The following NUGGC variants were observed in gnomAD, a reference collection of about 807,000 sequenced individuals.
NUGGC encodes nuclear GTPase SLIP-GC.
Under a neutral mutation model 92.6 loss-of-function variants are expected in NUGGC, and 58 were observed. The ratio of observed to expected loss-of-function variants is 0.63; its 90% confidence interval spans 0.51 to 0.78. The LOEUF is 0.78. NUGGC is among the 30% of genes least tolerant of loss of function. The probability of loss-of-function intolerance (pLI) is 0.00; values close to 1 mark genes in which losing one functional copy is unlikely to be tolerated. For missense variants in NUGGC, 925 were observed against 964.6 expected, an observed-to-expected ratio of 0.96 and a Z score of 0.54; for synonymous variants, 376 against 366.4, an observed-to-expected ratio of 1.03 and a Z score of -0.30.
At position 28,045,635 on chromosome 8, in the gene NUGGC, G is replaced by A. The variant is rs1249424218; in HGVS notation, c.1338C>T (p.Ile446=). The change falls in exon 12 of 19, where the codon ATC becomes ATT. Residue 446 remains isoleucine (I), a synonymous_variant. Transcript: ENST00000413272. ...TCTTCTTGTCCAAGAGGCTCTTCCT[G>A]ATGTATTCTCTTAACTTAGGGATTT... ...ETEIPKLREY[I]RKSLLDKKKR... 3 of 1,612,732 alleles carry A rather than the reference G, an allele frequency of 1.9e-6. No individual in the cohort carries two copies. The highest frequency in any genetic ancestry group is 1.3e-5 in the African/African-American group (1 of 75,010).
rs190651747 is a variant in NUGGC, at chr8:28,068,893, C to A, written c.258-455G>T. On this transcript the variant is annotated intron_variant, in intron 4 of 18. Transcript: ENST00000413272. ...CTGGAACTACAGGCGTGCTCCATGACGCCTGGCTAATTTTTTTGTATTTTG... is the reference window on the plus strand; with the variant it reads ...CTGGAACTACAGGCGTGCTCCATGAAGCCTGGCTAATTTTTTTGTATTTTG... Among the ~76,000 whole-genome samples, 6 of 152,190 alleles carry A rather than the reference C, an allele frequency of 3.9e-5. No individual in the cohort carries two copies. In the East Asian group the frequency reaches 9.7e-4, roughly 24 times the overall value.
At chr8:28,024,762 C>T (rs936794547) in intron 18 of NUGGC, among the ~76,000 whole-genome samples, 8 of 152,136 alleles carry the variant, frequency 5.3e-5, no homozygotes, top group Admixed American at 3.9e-4. Flanking sequence ...GGAAGGCCTC[C>T]CTTCTCCCCA....
intron 13 of NUGGC, 89 bp downstream of exon 13, chr8:28,040,962 T>C: frequency 7.5e-7 from 1 of 1,338,720 alleles, no homozygotes; most frequent in Admixed American, 2.2e-5. Flanking sequence ...TCTTTACCTC[T>C]TTTGAAGGGA....
At chr8:28,083,532 C>T (rs1259902943) in intron 1 of NUGGC, among the ~76,000 whole-genome samples, 2 of 152,040 alleles carry the variant, frequency 1.3e-5, no homozygotes, top group Non-Finnish European at 2.9e-5. Context: ...AGATAAAAAC[C>T]AAGAATCTGA....
intron 1 of NUGGC, among the ~76,000 whole-genome samples, chr8:28,082,107 G>A (rs868421220): frequency 3.3e-5 from 5 of 152,154 alleles, no homozygotes; most frequent in African/African-American, 7.2e-5. Context: ...TCCAAACTAG[G>A]GATGTCCCAA....
intron 8 of NUGGC, 22 bp from the exon 9 acceptor site, chr8:28,058,298 G>A: frequency 2.0e-6 from 1 of 505,682 alleles, no homozygotes; most frequent in Non-Finnish European, 3.1e-6. Flanking sequence ...TTAGAAAAAT[G>A]TAACAATTAC....
chr8:28,031,643 C>G (rs1809420936), intron 14 of NUGGC, among the ~76,000 whole-genome samples: 1 of 152,220 alleles, frequency 6.6e-6, no homozygotes, highest in African/African-American at 2.4e-5. Flanking sequence ...CAAGGTCACA[C>G]AGCTAGCAAG....
chr8:28,066,002 C>CAA (rs60031810), intron 6 of NUGGC, among the ~76,000 whole-genome samples: 1 of 12,358 alleles, frequency 8.1e-5, no homozygotes, highest in African/African-American at 8.0e-4. Flanking sequence ...TGTAGAAGGC[C>CAA]TTGATTCTAG....
rs750067120 is a variant in NUGGC, at chr8:28,027,011, C to CA, written c.2195dup (p.Met732IlefsTer22). 6.8e-6 allele frequency: 11 copies of CA among 1,613,736 alleles called. No homozygotes were observed. The highest frequency in any genetic ancestry group is 9.3e-6 in the Non-Finnish European group (11 of 1,179,764). On this transcript the variant is annotated frameshift_variant, in exon 18 of 19. Transcript: ENST00000413272. LOFTEE classifies it high-confidence loss of function. The stretch of plus-strand genomic sequence containing the variant: ...CCCCCTGGGACGAAGCAAGGGCCAG[C>CA]ATAGTGGTGATGCTGCCCTTCACCT...
At position 28,074,446 on chromosome 8, in the gene NUGGC, G is replaced by A. The variant is rs1810670376; in HGVS notation, c.-36C>T. On this transcript the variant is annotated 5_prime_UTR_variant, in exon 2 of 19. Coordinates refer to ENST00000413272, the MANE Select transcript of NUGGC (RefSeq NM_001010906.2). ...GTGAACTCCTGCTCTTCTCAGTTCA[G>A]GAGAACCAGCCTGTGAAGACAAAGT... is the stretch of plus-strand genomic sequence containing the variant. 6.2e-7 allele frequency: 1 copy of A among 1,611,718 alleles called. No individual in the cohort carries two copies. The highest frequency in any genetic ancestry group is 1.3e-5 in the African/African-American group (1 of 74,880).
At chr8:28,067,478 A>T in intron 6 of NUGGC, 36 bp downstream of exon 6, 1 of 1,352,366 alleles carries the variant, frequency 7.4e-7, no homozygotes, top group Non-Finnish European at 1.0e-6. Context: ...CTTGAGACCC[A>T]GGATGAAATC....
rs763078227 is a variant in NUGGC at position 28,026,969 on chromosome 8, C to T, written c.2238G>A (p.Glu746=). Residue 746 remains glutamate (E), a synonymous_variant, in exon 18 of 19, where the codon GAG becomes GAA. Transcript: ENST00000413272. ...AAGCTTTGGCGTATTTACCTGCAAG[C>T]TCCTTGTAGAGGCCATCCCCCTGGG... The part of the protein sequence containing the change: ...ASSQGDGLYK[E]LADVGSEYKE... The T allele has an allele frequency of 6.2e-7, 1 of 1,611,548 alleles. No individual in the cohort carries two copies.
chr8:28,077,799 G>A (rs913104798), intron 1 of NUGGC, among the ~76,000 whole-genome samples: 5 of 152,254 alleles, frequency 3.3e-5, no homozygotes, highest in East Asian at 1.9e-4. Flanking sequence ...CAGTGGAGCC[G>A]GATAAAGTAC....
chr8:28,034,817 C>CA (rs201589576), intron 13 of NUGGC, among the ~76,000 whole-genome samples: 5 of 149,544 alleles, frequency 3.3e-5, no homozygotes, highest in Middle Eastern at 3.4e-3. Context: ...AACTCCAACT[C>CA]AAAAAAAAAG....
intron 10 of NUGGC, among the ~76,000 whole-genome samples, chr8:28,051,959 C>A (rs11777791): frequency 0.43 from 65,373 of 151,368 alleles, 14,495 homozygotes; most frequent in East Asian, 0.63. Context: ...ACAAAAAAAA[C>A]CAAACTGGGT....
chr8:28,026,861 T>TATAA, intron 18 of NUGGC, 101 bp downstream of exon 18: 1 of 808,206 alleles, frequency 1.2e-6, no homozygotes, highest in Non-Finnish European at 2.2e-6. Context: ...TAACTTAAAT[T>TATAA]CCTAAAATTT....
At chr8:28,030,465 G>A (rs1197331894) in intron 15 of NUGGC, 47 bp from the exon 16 acceptor site, 8 of 1,015,504 alleles carry the variant, frequency 7.9e-6, no homozygotes, top group Admixed American at 2.0e-5. Flanking sequence ...TTCCTTCAAT[G>A]GAAGCAGGTC....
intron 1 of NUGGC, among the ~76,000 whole-genome samples, chr8:28,077,846 T>A (rs1242220228): frequency 6.6e-6 from 1 of 152,142 alleles, no homozygotes; most frequent in Non-Finnish European, 1.5e-5. Flanking sequence ...AGAGTCGTGG[T>A]CATACAGACA....
In NUGGC at chr8:28,060,572, C is replaced by T. The variant is rs1260334479; in HGVS notation, c.951G>A (p.Val317=). Residue 317 remains valine, a synonymous_variant, in exon 8 of 19, where the codon GTG becomes GTA. Transcript: ENST00000413272. ...CAGAAACTCGCTCTATGTCGCTGAT[C>T]ACCCAGATCACTGAGCACTTGTCAA... ...KTIDKCSVIW[V]ISDIERVSGG... 1 of 1,612,800 alleles carries T rather than the reference C, an allele frequency of 6.2e-7. No individual in the cohort carries two copies. Among genetic ancestry groups the T allele is most frequent in the Non-Finnish European group, 8.5e-7 (1 of 1,179,484 alleles).
Sources: allele counts gnomAD v4.1 joint callset (sites outside exome capture counted in the v4.1 genomes callset), GRCh38; gene constraint gnomAD v4.1.1; transcripts MANE v1.5; gene names NCBI Gene and HGNC (gene_info 2026-07-23, HGNC 2026-07-21).